Variants in GABRB1 observed in about 807,000 individuals in gnomAD.
The protein encoded by GABRB1 is gamma-aminobutyric acid type A receptor subunit beta1.
GABRB1 carries 17 observed loss-of-function variants against 51.6 expected under a neutral mutation model. The observed-to-expected ratio is 0.33, with a 90% CI of 0.23 to 0.49. The LOEUF is 0.49. Among genes scored for constraint, GABRB1 ranks in the 20% least tolerant of loss-of-function variants. The pLI is 0.99. For synonymous variants in GABRB1, 247 were observed against 218.9 expected, an observed-to-expected ratio of 1.13 and a Z score of -1.14; for missense variants, 410 against 600.6, an observed-to-expected ratio of 0.68 and a Z score of 3.32.
chr4:47,250,635 C>A (rs1191367088), intron 4 of GABRB1, among the ~76,000 whole-genome samples: 2 of 151,980 alleles, frequency 1.3e-5, no homozygotes, highest in African/African-American at 2.4e-5. Flanking sequence ...TTCTTGGAGG[C>A]TTTGTTCATA....
At chr4:47,418,761 C>T (rs73813526) in intron 8 of GABRB1, among the ~76,000 whole-genome samples, 23,840 of 152,132 alleles carry the variant, frequency 0.16, 2,777 homozygotes, top group African/African-American at 0.33. Context: ...AGATGGGACA[C>T]TCAGTGGAAG....
At chr4:47,395,308 C>T (rs370339874) in intron 5 of GABRB1, among the ~76,000 whole-genome samples, 3 of 152,256 alleles carry the variant, frequency 2.0e-5, no homozygotes, top group East Asian at 3.9e-4. Flanking sequence ...GGGTAGCAAG[C>T]ATGTCTTACC....
At chr4:47,186,223 G>T (rs1719175404) in intron 4 of GABRB1, among the ~76,000 whole-genome samples, 1 of 148,710 alleles carries the variant, frequency 6.7e-6, no homozygotes, top group Non-Finnish European at 1.5e-5. Flanking sequence ...TGGTGGGGGG[G>T]CGGGGGGTAA....
chr4:47,015,148 C>T (rs1206189186), intron 1 of GABRB1, among the ~76,000 whole-genome samples: 11 of 152,132 alleles, frequency 7.2e-5, no homozygotes, highest in Admixed American at 1.3e-4. Flanking sequence ...CCTTGTGATC[C>T]GCCCACCTCA....
chr4:47,356,638 G>T (rs1726588713), intron 5 of GABRB1, among the ~76,000 whole-genome samples: 1 of 152,116 alleles, frequency 6.6e-6, no homozygotes, highest in African/African-American at 2.4e-5. Context: ...AGTTTGACAT[G>T]GCAGAGAAAA....
intron 4 of GABRB1, among the ~76,000 whole-genome samples, chr4:47,251,278 CAG>C (rs1479041120): frequency 1.3e-5 from 2 of 152,194 alleles, no homozygotes; most frequent in Non-Finnish European, 1.5e-5. Flanking sequence ...GTTATCTGCA[CAG>C]AGTCTTATGA....
chr4:47,421,415 TTAA>T (rs1474739887), intron 8 of GABRB1, among the ~76,000 whole-genome samples: 1 of 152,088 alleles, frequency 6.6e-6, no homozygotes, highest in Non-Finnish European at 1.5e-5. Flanking sequence ...ATAATGTAAC[TTAA>T]TGATGCATAG....
rs1725025150 is a variant in GABRB1 at position 47,320,169 on chromosome 4, T to C, written c.504T>C (p.Tyr168=). The C allele has an allele frequency of 3.1e-6, 5 of 1,608,582 alleles. No individual in the cohort carries two copies. Among genetic ancestry groups the C allele is most frequent in the African/African-American group, 1.3e-5 (1 of 74,804 alleles). ...CATGTATGATGGATCTTCGAAGATA[T>C]CCATTGGATGAGCAGAACTGCACCC... ...TAACMMDLRR[Y]PLDEQNCTLE... The change falls in exon 5 of 9, where the codon TAT becomes TAC. Residue 168 remains tyrosine (Y), a synonymous_variant. Coordinates refer to ENST00000295454, the MANE Select transcript of GABRB1 (RefSeq NM_000812.4).
chr4:47,112,843 C>T (rs1295598850), intron 3 of GABRB1, among the ~76,000 whole-genome samples: 1 of 151,962 alleles, frequency 6.6e-6, no homozygotes, highest in African/African-American at 2.4e-5. Context: ...ACATACTTGC[C>T]TGTGAAATTA....
chr4:47,069,814 A>T (rs1320483247), intron 3 of GABRB1, among the ~76,000 whole-genome samples: 4 of 151,920 alleles, frequency 2.6e-5, no homozygotes, highest in Non-Finnish European at 5.9e-5. Flanking sequence ...TATAACAAAC[A>T]TTTTTTAAAG....
chr4:47,214,847 AT>A (rs1175025148), intron 4 of GABRB1, among the ~76,000 whole-genome samples: 1 of 152,144 alleles, frequency 6.6e-6, no homozygotes, highest in African/African-American at 2.4e-5. Flanking sequence ...AAATCTCCAA[AT>A]ATCTGTCTTC....
chr4:47,139,006 A>C (rs951892512), intron 3 of GABRB1, among the ~76,000 whole-genome samples: 6 of 152,030 alleles, frequency 3.9e-5, no homozygotes, highest in African/African-American at 1.4e-4. Context: ...AATTGAAAAA[A>C]CAGCCTCCTT....
intron 4 of GABRB1, 26 bp downstream of exon 4, chr4:47,161,495 T>C: frequency 6.3e-7 from 1 of 1,575,540 alleles, no homozygotes; most frequent in Non-Finnish European, 8.7e-7. Context: ...TTGCATGTTT[T>C]AATGTTGTTG....
At chr4:47,278,025 A>C (rs1723150229) in intron 4 of GABRB1, among the ~76,000 whole-genome samples, 1 of 152,130 alleles carries the variant, frequency 6.6e-6, no homozygotes. Flanking sequence ...CCTGCCCTGA[A>C]GCCCCTGCTT....
chr4:47,353,093 T>C (rs1219566832), intron 5 of GABRB1, among the ~76,000 whole-genome samples: 31 of 152,184 alleles, frequency 2.0e-4, no homozygotes, highest in Admixed American at 2.0e-3. Flanking sequence ...CAGAAACCTC[T>C]GATAAAACCA....
At chr4:47,271,630 A>G (rs1051026307) in intron 4 of GABRB1, among the ~76,000 whole-genome samples, 1 of 152,174 alleles carries the variant, frequency 6.6e-6, no homozygotes, top group South Asian at 2.1e-4. Flanking sequence ...TGCAGAAGGC[A>G]GCTTCAGAGG....
At chr4:47,265,697 G>A (rs1722618838) in intron 4 of GABRB1, among the ~76,000 whole-genome samples, 2 of 152,138 alleles carry the variant, frequency 1.3e-5, no homozygotes, top group Non-Finnish European at 2.9e-5. Flanking sequence ...GATTAGTGAT[G>A]TTGAGCATTT....
chr4:47,263,720 T>G (rs1311266485), intron 4 of GABRB1, among the ~76,000 whole-genome samples: 1 of 152,142 alleles, frequency 6.6e-6, no homozygotes, highest in Non-Finnish European at 1.5e-5. Context: ...ACTTTGTAGG[T>G]TAGAAGTCTA....
upstream of GABRB1, among the ~76,000 whole-genome samples, chr4:47,028,109 A>G (rs1176369386): frequency 2.6e-5 from 4 of 151,902 alleles, no homozygotes; most frequent in African/African-American, 9.6e-5. Flanking sequence ...TATTCATTTG[A>G]TTACTACTGA....
Sources: allele counts gnomAD v4.1 joint callset (sites outside exome capture counted in the v4.1 genomes callset), GRCh38; gene constraint gnomAD v4.1.1; transcripts MANE v1.5; gene names NCBI Gene and HGNC (gene_info 2026-07-23, HGNC 2026-07-21).